The following PRKCH variants were observed in gnomAD, a reference collection of about 807,000 sequenced individuals.
PRKCH encodes the protein protein kinase C eta type.
Under a neutral mutation model 82.5 loss-of-function variants are expected in PRKCH, and 28 were observed. That is an observed-to-expected ratio of 0.34 (90% CI 0.25 to 0.47). The LOEUF is 0.47. Ranked by LOEUF, PRKCH falls within the 20% of genes least tolerant of loss-of-function variation. The pLI is 1.00. For synonymous variants in PRKCH, 322 were observed against 327.4 expected (o/e 0.98, Z 0.18); for missense variants, 705 against 881.8 (o/e 0.80, Z 2.54).
intron 1 of PRKCH, among the ~76,000 whole-genome samples, chr14:61,214,826 ACTTT>A (rs2044606055): frequency 6.6e-6 from 1 of 152,174 alleles, no homozygotes; most frequent in Non-Finnish European, 1.5e-5. Flanking sequence ...CAGATTCATT[ACTTT>A]CTTTTTGTCC....
chr14:61,187,500 A>T (rs1448642489), upstream of PRKCH: 2 of 152,312 alleles, frequency 1.3e-5, no homozygotes, highest in Non-Finnish European at 2.9e-5. Flanking sequence ...TGCAGTGGGT[A>T]TCAGAGCTCA....
intron 10 of PRKCH, among the ~76,000 whole-genome samples, chr14:61,490,800 C>A (rs967317197): frequency 3.3e-5 from 5 of 152,070 alleles, no homozygotes; most frequent in African/African-American, 1.2e-4. Flanking sequence ...CCTGTGTAGT[C>A]CCAGCTACTC....
rs531988767 is a variant in PRKCH at position 61,412,823 on chromosome 14, C to G, written c.427+21535C>G. 2.6e-5 allele frequency among the ~76,000 whole-genome samples: 4 copies of G among 152,240 alleles called. No individual in the cohort carries two copies. The East Asian group carries it at 7.7e-4, about 29-fold the overall frequency. Reference sequence around the variant, plus strand: ...TGCTGAAAAAATCCTGCAAGATCTGCCATCTTTATGTGCCTGCTGTCCCTC... The same window carrying G: ...TGCTGAAAAAATCCTGCAAGATCTGGCATCTTTATGTGCCTGCTGTCCCTC... On this transcript the variant is annotated intron_variant, in intron 2 of 13. Coordinates refer to ENST00000332981, the MANE Select transcript of PRKCH (RefSeq NM_006255.5).
chr14:61,332,363 T>A (rs943785644), intron 1 of PRKCH, among the ~76,000 whole-genome samples: 3 of 152,238 alleles, frequency 2.0e-5, no homozygotes, highest in African/African-American at 7.2e-5. Flanking sequence ...TATGTTAGTG[T>A]GCTTCTGTAG....
At chr14:61,525,460 C>T (rs1454238815) in intron 10 of PRKCH, among the ~76,000 whole-genome samples, 1 of 152,148 alleles carries the variant, frequency 6.6e-6, no homozygotes, top group African/African-American at 2.4e-5. Flanking sequence ...ATCCTGTGAC[C>T]AGGATGAGTC....
chr14:61,364,012 G>GTATCTATATATTTGTATATATATAATATA (rs2046265940), intron 1 of PRKCH, among the ~76,000 whole-genome samples: 1 of 146,026 alleles, frequency 6.8e-6, no homozygotes, highest in Non-Finnish European at 1.5e-5. Context: ...ATATTTGTGT[G>GTATCTATATATTTGTATATATATAATATA]TATATATATA....
chr14:61,246,889 T>C (rs895129782), intron 1 of PRKCH, among the ~76,000 whole-genome samples: 2 of 152,150 alleles, frequency 1.3e-5, no homozygotes, highest in African/African-American at 4.8e-5. Flanking sequence ...TGTCCGGCCA[T>C]GTCAGCACTT....
chr14:61,370,223 G>T (rs920303129), intron 1 of PRKCH, among the ~76,000 whole-genome samples: 1 of 152,104 alleles, frequency 6.6e-6, no homozygotes, highest in Non-Finnish European at 1.5e-5. Flanking sequence ...GATTACAGGC[G>T]TGAGCCACCG....
chr14:61,455,363 A>G (rs1351697945), intron 7 of PRKCH, among the ~76,000 whole-genome samples: 2 of 152,154 alleles, frequency 1.3e-5, no homozygotes, highest in Non-Finnish European at 2.9e-5. Flanking sequence ...TTGAATTGCC[A>G]CTACGATAAA....
intron 1 of PRKCH, among the ~76,000 whole-genome samples, chr14:61,385,473 A>G (rs1403121536): frequency 6.6e-6 from 1 of 151,546 alleles, no homozygotes; most frequent in East Asian, 1.9e-4. Context: ...AAAGATGCAG[A>G]GGTTTTAGTT....
At chr14:61,307,913 T>C (rs2045494874) in intron 1 of PRKCH, among the ~76,000 whole-genome samples, 2 of 152,238 alleles carry the variant, frequency 1.3e-5, no homozygotes, top group African/African-American at 4.8e-5. Context: ...CAGGGCTTAC[T>C]GTGACCTTGA....
intron 10 of PRKCH, among the ~76,000 whole-genome samples, chr14:61,509,653 C>T (rs546930017): frequency 1.3e-5 from 2 of 152,160 alleles, no homozygotes; most frequent in South Asian, 2.1e-4. Flanking sequence ...GGGAGGCCAG[C>T]GTGGGCAGAT....
intron 1 of PRKCH, among the ~76,000 whole-genome samples, chr14:61,216,810 TA>T (rs199641833): frequency 0.013 from 1,908 of 152,290 alleles, 33 homozygotes; most frequent in African/African-American, 0.044. Flanking sequence ...AGGTAATTTT[TA>T]AAAAATTATA....
intron 2 of PRKCH, among the ~76,000 whole-genome samples, chr14:61,410,753 C>T (rs1411111483): frequency 6.6e-6 from 1 of 152,200 alleles, no homozygotes; most frequent in Non-Finnish European, 1.5e-5. Context: ...GACCTCTATC[C>T]CTGTTGTGGT....
At chr14:61,243,329 T>C (rs978796077) in intron 1 of PRKCH, among the ~76,000 whole-genome samples, 44 of 130,384 alleles carry the variant, frequency 3.4e-4, no homozygotes, top group African/African-American at 1.3e-3. Flanking sequence ...ACTCGGGAGG[T>C]GGAGATTGCA....
chr14:61,223,067 A>T (rs2044667788), intron 1 of PRKCH, among the ~76,000 whole-genome samples: 1 of 152,072 alleles, frequency 6.6e-6, no homozygotes, highest in Non-Finnish European at 1.5e-5. Context: ...GTTTTTTCAG[A>T]TCCTCACAGG....
chr14:61,432,550 G>T (rs943874426), intron 2 of PRKCH, among the ~76,000 whole-genome samples: 3 of 152,066 alleles, frequency 2.0e-5, no homozygotes, highest in African/African-American at 7.2e-5. Flanking sequence ...GCCCAGGCTG[G>T]TCTTAAACTT....
At chr14:61,512,911 G>T (rs757888778) in intron 10 of PRKCH, among the ~76,000 whole-genome samples, 1 of 149,888 alleles carries the variant, frequency 6.7e-6, no homozygotes, top group Non-Finnish European at 1.5e-5. Flanking sequence ...CAAACTCCTG[G>T]ATTCACGTGA....
At chr14:61,499,888 T>TAAA (rs5809100) in intron 10 of PRKCH, among the ~76,000 whole-genome samples, 175 of 147,658 alleles carry the variant, frequency 1.2e-3, no homozygotes, top group African/African-American at 4.2e-3. Context: ...GGGGTAGACT[T>TAAA]AAAAAAAAAA....
Sources: allele counts gnomAD v4.1 joint callset (sites outside exome capture counted in the v4.1 genomes callset), GRCh38; gene constraint gnomAD v4.1.1; transcripts MANE v1.5; gene names NCBI Gene and HGNC (gene_info 2026-07-23, HGNC 2026-07-21).